The following SAMTOR variants were observed in gnomAD, a reference collection of about 807,000 sequenced individuals.
SAMTOR encodes UPF0532 protein C7orf60.
the SAMTOR span, among the ~76,000 whole-genome samples, chr7:112,848,284 T>C: frequency 6.6e-6 from 1 of 152,220 alleles, no homozygotes; most frequent in Admixed American, 6.5e-5. Context: ...TGAAAAAGTA[T>C]TTCAAATCTA....
the SAMTOR span, among the ~76,000 whole-genome samples, chr7:112,876,398 C>T: frequency 1.3e-5 from 2 of 152,188 alleles, no homozygotes; most frequent in African/African-American, 4.8e-5. Flanking sequence ...TTATCCCAAA[C>T]CATACTAAAC....
chr7:112,909,746 CAG>C, the SAMTOR span, among the ~76,000 whole-genome samples: 2 of 151,944 alleles, frequency 1.3e-5, no homozygotes, highest in East Asian at 3.9e-4. Flanking sequence ...AAATAAAAAA[CAG>C]ATAAGTTAAG....
At chr7:112,916,001 G>A in the SAMTOR span, among the ~76,000 whole-genome samples, 1 of 152,120 alleles carries the variant, frequency 6.6e-6, no homozygotes, top group Non-Finnish European at 1.5e-5. Context: ...TGTAAATTAA[G>A]CAATGAAGTA....
the SAMTOR span, among the ~76,000 whole-genome samples, chr7:112,883,242 G>A: frequency 1.3e-5 from 2 of 152,052 alleles, no homozygotes; most frequent in Admixed American, 6.6e-5. Context: ...ACAATCTCAA[G>A]TAGATTGTTA....
chr7:112,879,630 T>C, the SAMTOR span, among the ~76,000 whole-genome samples: 1 of 152,166 alleles, frequency 6.6e-6, no homozygotes, highest in East Asian at 1.9e-4. Flanking sequence ...ATACTTGCAT[T>C]ATATTTATCT....
chr7:112,939,490 C>T, the SAMTOR span: 5 of 1,566,206 alleles, frequency 3.2e-6, no homozygotes, highest in Non-Finnish European at 4.3e-6. Context: ...CGTGCAGATC[C>T]TTTACATTTT....
At chr7:112,879,789 C>T in the SAMTOR span, among the ~76,000 whole-genome samples, 1 of 152,104 alleles carries the variant, frequency 6.6e-6, no homozygotes, top group Non-Finnish European at 1.5e-5. Context: ...GAGTAATATT[C>T]ACAGATATTT....
chr7:112,851,776 G>A, the SAMTOR span, among the ~76,000 whole-genome samples: 1 of 152,100 alleles, frequency 6.6e-6, no homozygotes, highest in Non-Finnish European at 1.5e-5. Context: ...CTAATATGCA[G>A]AATTTAAAGG....
At chr7:112,913,967 C>G in the SAMTOR span, among the ~76,000 whole-genome samples, 1 of 152,164 alleles carries the variant, frequency 6.6e-6, no homozygotes, top group Non-Finnish European at 1.5e-5. Context: ...CCAACTAGCA[C>G]GTAAGCTCTA....
chr7:112,908,216 A>G, the SAMTOR span, among the ~76,000 whole-genome samples: 1 of 152,210 alleles, frequency 6.6e-6, no homozygotes, highest in Non-Finnish European at 1.5e-5. Context: ...AATAAAGCAG[A>G]CTGCCTTTCC....
chr7:112,844,543 C>T, the SAMTOR span, among the ~76,000 whole-genome samples: 2 of 151,994 alleles, frequency 1.3e-5, no homozygotes, highest in South Asian at 2.1e-4. Flanking sequence ...ATATGGCTAA[C>T]CCGGAAGGTG....
chr7:112,833,802 A>AT, the SAMTOR span, among the ~76,000 whole-genome samples: 11 of 152,288 alleles, frequency 7.2e-5, no homozygotes, highest in Admixed American at 7.2e-4. Flanking sequence ...CCTATTTCAA[A>AT]TTATTTGGCT....
chr7:112,932,575 C>T, the SAMTOR span, among the ~76,000 whole-genome samples: 1 of 152,168 alleles, frequency 6.6e-6, no homozygotes, highest in Non-Finnish European at 1.5e-5. Flanking sequence ...GTGCTATGTA[C>T]TAAGGCTACA....
the SAMTOR span, among the ~76,000 whole-genome samples, chr7:112,849,218 A>T: frequency 6.6e-6 from 1 of 152,218 alleles, no homozygotes; most frequent in Non-Finnish European, 1.5e-5. Flanking sequence ...TGCTACCACA[A>T]ATAAACACAC....
the SAMTOR span, chr7:112,895,486 G>A: frequency 3.1e-6 from 3 of 980,668 alleles, no homozygotes; most frequent in Non-Finnish European, 4.3e-6. Flanking sequence ...CAAGTAAACT[G>A]CTCACTGTTT....
the SAMTOR span, among the ~76,000 whole-genome samples, chr7:112,853,582 T>C: frequency 6.6e-6 from 1 of 152,160 alleles, no homozygotes; most frequent in Non-Finnish European, 1.5e-5. Flanking sequence ...TAAGCTTTTT[T>C]TGCTTATTGA....
the SAMTOR span, among the ~76,000 whole-genome samples, chr7:112,885,934 A>C: frequency 6.6e-6 from 1 of 152,172 alleles, no homozygotes; most frequent in Non-Finnish European, 1.5e-5. Context: ...CTTATAAAGG[A>C]AAGAGGTTTA....
At chr7:112,919,743 G>A in the SAMTOR span, among the ~76,000 whole-genome samples, 70 of 151,180 alleles carry the variant, frequency 4.6e-4, 1 homozygote, top group South Asian at 1.0e-3. Context: ...TCAAATAGAC[G>A]CAATAAAAAA....
At chr7:112,917,541 C>G in the SAMTOR span, among the ~76,000 whole-genome samples, 4 of 152,208 alleles carry the variant, frequency 2.6e-5, no homozygotes, top group Non-Finnish European at 5.9e-5. Flanking sequence ...AGCAGAGCGC[C>G]TCTCCTCCTC....
Sources: allele counts gnomAD v4.1 joint callset (sites outside exome capture counted in the v4.1 genomes callset), GRCh38; gene constraint gnomAD v4.1.1; transcripts MANE v1.5; gene names NCBI Gene and HGNC (gene_info 2026-07-23, HGNC 2026-07-21).